Variants in DDB2 observed in about 807,000 individuals in gnomAD.
The protein encoded by DDB2 is DNA damage-binding protein 2.
Under a neutral mutation model 50.5 loss-of-function variants are expected in DDB2, and 27 were observed. That is an observed-to-expected ratio of 0.53 (90% confidence interval 0.39 to 0.74). DDB2 has a LOEUF of 0.74. DDB2 is among the 30% of genes least tolerant of loss of function. DDB2 has a pLI of 0.00. For missense variants in DDB2, 424 were observed against 545.6 expected (o/e 0.78, Z 2.22); for synonymous variants, 176 against 205.5 (o/e 0.86, Z 1.23).
chr11:47,238,969 C>A lies in DDB2; in HGVS notation c.*120C>A. 1 of 1,098,036 alleles carries A rather than the reference C, an allele frequency of 9.1e-7. No individual in the cohort carries two copies. The highest frequency in any genetic ancestry group is 1.3e-6 in the Non-Finnish European group (1 of 744,566). 68.0% of individuals were successfully genotyped at this position (1,098,036 alleles called of 1,614,324 possible). On this transcript the variant is annotated 3_prime_UTR_variant, in exon 10 of 10. Coordinates refer to ENST00000256996, the MANE Select transcript of DDB2 (RefSeq NM_000107.3). Reference sequence around the variant, plus strand: ...AAAGTATCCAAGGTTAGGGTTGGAGCAGGGGTGCTGGGACCTGGGGCACTG... The same window carrying A: ...AAAGTATCCAAGGTTAGGGTTGGAGAAGGGGTGCTGGGACCTGGGGCACTG...
At chr11:47,221,244 A>G (rs1459790135) in intron 3 of DDB2, among the ~76,000 whole-genome samples, 1 of 150,930 alleles carries the variant, frequency 6.6e-6, no homozygotes, top group African/African-American at 2.4e-5. Context: ...CAAAATCCCC[A>G]TTTTCAGCAT....
intron 4 of DDB2, chr11:47,233,166 C>A: frequency 3.1e-6 from 2 of 636,886 alleles, no homozygotes; most frequent in South Asian, 3.5e-5. Flanking sequence ...GGAAGGTGTT[C>A]TGGAGCCTCA....
At chr11:47,220,035 C>T (rs1565151399) in intron 3 of DDB2, among the ~76,000 whole-genome samples, 6 of 152,022 alleles carry the variant, frequency 3.9e-5, no homozygotes, top group Admixed American at 3.3e-4. Flanking sequence ...GTGATCCGCC[C>T]GCCTCGACCT....
At chr11:47,233,766 G>A (rs3781619) in intron 4 of DDB2, among the ~76,000 whole-genome samples, 39,537 of 151,674 alleles carry the variant, frequency 0.26, 6,454 homozygotes, top group East Asian at 0.65. Flanking sequence ...AGCTAGAGCC[G>A]TGACTCTGAC....
intron 4 of DDB2, among the ~76,000 whole-genome samples, chr11:47,233,798 A>T (rs1395905199): frequency 6.6e-6 from 1 of 151,838 alleles, no homozygotes; most frequent in Admixed American, 6.6e-5. Context: ...GAATTAAGTG[A>T]GGGTGCTGGG....
At chr11:47,234,292 T>C (rs1352570537) in intron 4 of DDB2, among the ~76,000 whole-genome samples, 1 of 152,114 alleles carries the variant, frequency 6.6e-6, no homozygotes, top group Non-Finnish European at 1.5e-5. Context: ...GGGCTTGCTT[T>C]ATGGTATAAG....
chr11:47,227,042 T>C (rs1222029615), intron 3 of DDB2, among the ~76,000 whole-genome samples: 1 of 151,476 alleles, frequency 6.6e-6, no homozygotes, highest in Non-Finnish European at 1.5e-5. Context: ...GCCTGTTTTT[T>C]AGTTGGGTTA....
At chr11:47,229,381 C>T (rs1347520672) in intron 3 of DDB2, among the ~76,000 whole-genome samples, 1 of 151,958 alleles carries the variant, frequency 6.6e-6, no homozygotes, top group South Asian at 2.1e-4. Flanking sequence ...TGGAGAGGGG[C>T]GGCCGTGGCG....
upstream of DDB2, chr11:47,214,961 G>A (rs1159237231): frequency 8.0e-6 from 7 of 874,490 alleles, no homozygotes; most frequent in Admixed American, 2.2e-5. Flanking sequence ...GGGTGGGGCC[G>A]GAGCTCCAAG....
intron 3 of DDB2, among the ~76,000 whole-genome samples, chr11:47,230,809 T>G (rs1480409630): frequency 1.3e-5 from 2 of 151,998 alleles, no homozygotes; most frequent in African/African-American, 2.4e-5. Context: ...CTTTACATCT[T>G]GGGGATGTAA....
chr11:47,220,239 C>G (rs768391561), intron 3 of DDB2: 1 of 152,204 alleles, frequency 6.6e-6, no homozygotes, highest in Non-Finnish European at 1.5e-5. Context: ...AGAGGAGTGC[C>G]GCGGACAGAG....
rs1451699361 is a variant in DDB2, at chr11:47,217,063, C to G, written c.456+14C>G. 6.2e-7 allele frequency: 1 copy of G among 1,610,886 alleles called. No individual in the cohort carries two copies. The highest frequency in any genetic ancestry group is 8.5e-7 in the Non-Finnish European group (1 of 1,177,308). Reference sequence around the variant, plus strand: ...TTCATCAAAGGGGTGAGCAGTTCCCCATGCCAGGTCGTGCTAAAGAAGTGT... The same window carrying G: ...TTCATCAAAGGGGTGAGCAGTTCCCGATGCCAGGTCGTGCTAAAGAAGTGT... On this transcript the variant is annotated intron_variant, in intron 3 of 9. Transcript: ENST00000256996.
chr11:47,233,317 T>G (rs1953675438), intron 4 of DDB2: 1 of 368,254 alleles, frequency 2.7e-6, no homozygotes, highest in Non-Finnish European at 5.2e-6. Context: ...CTCACTGTGG[T>G]GTAATGACCT....
chr11:47,230,847 G>T lies in DDB2; in HGVS notation c.457-1967G>T, dbSNP rs150980458. On this transcript the variant is annotated intron_variant, in intron 3 of 9. Transcript: ENST00000256996. ...TTCTTAAAACAGTGCCTGACTGGGC[G>T]CAGTGGCTCACGCCTGTAATCCCAG... Among the ~76,000 whole-genome samples, 5 of 152,230 alleles carry T rather than the reference G, an allele frequency of 3.3e-5. No homozygotes were observed. In the East Asian group the frequency reaches 7.7e-4, roughly 24 times the overall value.
intron 3 of DDB2, among the ~76,000 whole-genome samples, chr11:47,224,323 G>T (rs1264888592): frequency 2.0e-5 from 3 of 152,066 alleles, no homozygotes; most frequent in Non-Finnish European, 4.4e-5. Flanking sequence ...CACCTCCAGG[G>T]TTCAAGCGAT....
intron 3 of DDB2, among the ~76,000 whole-genome samples, chr11:47,218,107 G>A (rs1222314731): frequency 6.6e-6 from 1 of 152,114 alleles, no homozygotes; most frequent in African/African-American, 2.4e-5. Context: ...CTTCAAAGAG[G>A]CTTTCGCTGG....
intron 3 of DDB2, among the ~76,000 whole-genome samples, chr11:47,221,398 C>T (rs928278105): frequency 8.6e-5 from 13 of 151,384 alleles, no homozygotes; most frequent in Admixed American, 4.0e-4. Flanking sequence ...CTCAGCCTCC[C>T]GAGTAGCTGG....
intron 4 of DDB2, chr11:47,233,536 A>C (rs1953678450): frequency 5.7e-6 from 1 of 174,636 alleles, no homozygotes; most frequent in Non-Finnish European, 1.2e-5. Flanking sequence ...TGAAACCCCC[A>C]TCTCTACTAA....
chr11:47,217,763 C>T (rs577284473), intron 3 of DDB2, among the ~76,000 whole-genome samples: 22 of 151,984 alleles, frequency 1.4e-4, no homozygotes, highest in African/African-American at 4.8e-4. Context: ...TGGTGGTGTG[C>T]GCCTGTAGTC....
Sources: allele counts gnomAD v4.1 joint callset (sites outside exome capture counted in the v4.1 genomes callset), GRCh38; gene constraint gnomAD v4.1.1; transcripts MANE v1.5; gene names NCBI Gene and HGNC (gene_info 2026-07-23, HGNC 2026-07-21).